The following NBEAL1 variants were observed in gnomAD, a reference collection of about 807,000 sequenced individuals.
NBEAL1 encodes neurobeachin like 1, also known as neurobeachin-like protein 1.
In NBEAL1, 273 loss-of-function variants were observed where a neutral mutation model predicts 351.3. The observed-to-expected ratio is 0.78, with a 90% CI of 0.70 to 0.86. NBEAL1 has a LOEUF of 0.86. Ranked by LOEUF, NBEAL1 falls within the 40% of genes least tolerant of loss-of-function variation. NBEAL1 has a pLI of 0.00. For missense variants in NBEAL1, 2,961 were observed against 3,201.3 expected (o/e 0.92, Z 1.81); for synonymous variants, 1,050 against 1,086.4 (o/e 0.97, Z 0.66).
intron 51 of NBEAL1, among the ~76,000 whole-genome samples, chr2:203,205,946 A>G (rs188969330): frequency 2.6e-5 from 4 of 152,364 alleles, no homozygotes; most frequent in Non-Finnish European, 4.4e-5. Flanking sequence ...GAACAGGTGG[A>G]AGGTGTGGGC....
In NBEAL1 at chr2:203,131,969, C is replaced by A; in HGVS notation, c.3565-4C>A. 6.6e-7 allele frequency: 1 copy of A among 1,522,814 alleles called. No homozygotes were observed. The highest frequency in any genetic ancestry group is 8.8e-7 in the Non-Finnish European group (1 of 1,134,188). 94.3% of individuals were successfully genotyped at this position (1,522,814 alleles called of 1,614,324 possible). A position where few individuals can be genotyped will look rare whatever the true frequency, so the allele number is the denominator to read the frequency against. ...ATTGAGAATATATTACTTGTCGTGA[C>A]CAGATTATGGAACAAATGTTGAAAT... is the stretch of plus-strand genomic sequence containing the variant. On this transcript the variant is annotated splice_region_variant and splice_polypyrimidine_tract_variant and intron_variant, in intron 25 of 55. Coordinates refer to ENST00000683969, the MANE Select transcript of NBEAL1 (RefSeq NM_001378026.1).
At chr2:203,165,153 G>A (rs1008833416) in intron 36 of NBEAL1, among the ~76,000 whole-genome samples, 2 of 152,028 alleles carry the variant, frequency 1.3e-5, no homozygotes, top group Non-Finnish European at 2.9e-5. Flanking sequence ...GAGCCACCGC[G>A]CCCACCCAGG....
At chr2:203,116,401 T>C (rs1014288847) in intron 18 of NBEAL1, among the ~76,000 whole-genome samples, 3 of 152,138 alleles carry the variant, frequency 2.0e-5, no homozygotes, top group Non-Finnish European at 4.4e-5. Flanking sequence ...GAAACAGAAT[T>C]GTTCTCAGTT....
At position 203,180,400 on chromosome 2, in the gene NBEAL1, A is replaced by G. The variant is rs756021714; in HGVS notation, c.6483A>G (p.Arg2161=). Residue 2161 remains arginine (R), a synonymous_variant, in exon 43 of 56, where the codon CGA becomes CGG. Coordinates refer to ENST00000683969, the MANE Select transcript of NBEAL1 (RefSeq NM_001378026.1). ...LQSGRFDCAD[R]QFHSIPATWQ... ...CATGCAGGTTTGACTGTGCAGATCG[A>G]CAGTTCCATTCTATTCCTGCTACCT... is the stretch of plus-strand genomic sequence containing the variant. 6.2e-7 allele frequency: 1 copy of G among 1,610,878 alleles called. No homozygotes were observed. The highest frequency in any genetic ancestry group is 8.5e-7 in the Non-Finnish European group (1 of 1,178,932).
Position 203,107,459 on chromosome 2 carries a change from G to T in NBEAL1, c.1309G>T (p.Glu437Ter). The T allele has an allele frequency of 1.3e-6, 2 of 1,551,056 alleles. No homozygotes were observed. The highest frequency in any genetic ancestry group is 1.7e-6 in the Non-Finnish European group (2 of 1,146,062). ...KERIGYTHMLEVLKSLGQPPL... is the reference protein window; with the variant it reads ...KERIGYTHML ...AAGAATTGGTTATACACATATGCTT[G>T]AAGTATTAAAATCCCTGGGTCAGCC... Residue 437 changes from glutamate to a stop codon, truncating the protein, a stop_gained, in exon 13 of 56, where the codon GAA becomes TAA. Coordinates refer to ENST00000683969, the MANE Select transcript of NBEAL1 (RefSeq NM_001378026.1). LOFTEE classifies it high-confidence loss of function.
chr2:203,128,357 C>A (rs1194101666), intron 24 of NBEAL1, among the ~76,000 whole-genome samples: 1 of 149,682 alleles, frequency 6.7e-6, no homozygotes, highest in Non-Finnish European at 1.5e-5. Context: ...GTCTACCCGC[C>A]TAGGGCTCCC....
At chr2:203,213,872 C>A in intron 55 of NBEAL1, 2 of 724,680 alleles carry the variant, frequency 2.8e-6, no homozygotes, top group Non-Finnish European at 1.7e-6. Context: ...CTATCTACCA[C>A]TCTATAGGAA....
At chr2:203,193,946 T>C (rs767886433) in intron 47 of NBEAL1, 35 bp downstream of exon 47, 4 of 1,184,488 alleles carry the variant, frequency 3.4e-6, no homozygotes, top group South Asian at 2.7e-5. Context: ...AAAAGAGTTT[T>C]CTCTAAATTC....
At chr2:203,206,738 T>C (rs2065584462) in intron 51 of NBEAL1, among the ~76,000 whole-genome samples, 1 of 151,980 alleles carries the variant, frequency 6.6e-6, no homozygotes, top group Non-Finnish European at 1.5e-5. Flanking sequence ...GTGCCCAGGC[T>C]GGAGTGCAGT....
chr2:203,162,392 T>C (rs754214760), intron 36 of NBEAL1, among the ~76,000 whole-genome samples: 3 of 152,100 alleles, frequency 2.0e-5, no homozygotes, highest in Non-Finnish European at 4.4e-5. Context: ...GTCCCAAATA[T>C]ATTATTTGTT....
intron 27 of NBEAL1, among the ~76,000 whole-genome samples, chr2:203,135,101 A>G (rs1253133305): frequency 6.6e-6 from 1 of 151,658 alleles, no homozygotes; most frequent in Non-Finnish European, 1.5e-5. Context: ...GCATGAACCT[A>G]GGAGCCGGAG....
chr2:203,113,419 G>T, intron 17 of NBEAL1, 101 bp downstream of exon 17: 7 of 646,404 alleles, frequency 1.1e-5, no homozygotes, highest in Non-Finnish European at 1.3e-5. Flanking sequence ...AATATATTCT[G>T]AAGAATATAT....
intron 44 of NBEAL1, among the ~76,000 whole-genome samples, chr2:203,186,648 A>T (rs1353904869): frequency 6.6e-6 from 1 of 151,952 alleles, no homozygotes; most frequent in African/African-American, 2.4e-5. Context: ...AAATAATAAA[A>T]CTTTGTTTAC....
At position 203,049,741 on chromosome 2, in the gene NBEAL1, A is replaced by G. The variant is rs1290713970; in HGVS notation, c.144-73A>G. ...TCTTTAGGATTTGGGCTGAAAATGA[A>G]GTTCATTTAAATGCCAGAGATTTTC... is the stretch of plus-strand genomic sequence containing the variant. On this transcript the variant is annotated intron_variant, in intron 3 of 55. Coordinates refer to ENST00000683969, the MANE Select transcript of NBEAL1 (RefSeq NM_001378026.1). 9.1e-5 allele frequency: 120 copies of G among 1,314,458 alleles called. 1 individual carries two copies. The East Asian group carries it at 2.9e-3, about 32-fold the overall frequency. The allele number at this position is 1,314,458 out of a possible 1,614,324, so 81.4% of individuals were successfully genotyped here.
intron 33 of NBEAL1, among the ~76,000 whole-genome samples, chr2:203,146,013 G>C (rs2063503887): frequency 6.7e-6 from 1 of 149,762 alleles, no homozygotes; most frequent in African/African-American, 2.4e-5. Flanking sequence ...AAAAAGGAGA[G>C]AGAGAATGAT....
intron 29 of NBEAL1, among the ~76,000 whole-genome samples, chr2:203,137,708 G>T (rs1027614152): frequency 1.3e-5 from 2 of 152,222 alleles, no homozygotes; most frequent in East Asian, 1.9e-4. Flanking sequence ...TATAGGCCTG[G>T]CATGGTGGCT....
chr2:203,128,374 C>T (rs1208296694), intron 24 of NBEAL1, among the ~76,000 whole-genome samples: 2 of 148,468 alleles, frequency 1.3e-5, no homozygotes, highest in East Asian at 4.0e-4. Context: ...TCCCAAAGTG[C>T]TAGGATTACA....
chr2:203,138,746 C>T lies in NBEAL1; in HGVS notation c.4846C>T (p.Gln1616Ter). Reference sequence around the variant, plus strand: ...AGGATTCATTGGAAGGGGTAATTTGCAGGTTTGTCCATTCTTTTATATTAT... The same window carrying T: ...AGGATTCATTGGAAGGGGTAATTTGTAGGTTTGTCCATTCTTTTATATTAT... ...LLGFIGRGNLQVCAMASAKLN... is the reference protein window; with the variant it reads ...LLGFIGRGNL Residue 1616 changes from glutamine to a stop codon, truncating the protein, a stop_gained and splice_region_variant, in exon 31 of 56, where the codon CAG becomes TAG. Transcript: ENST00000683969. LOFTEE classifies it high-confidence loss of function. 1 of 1,607,964 alleles carries T rather than the reference C, an allele frequency of 6.2e-7. No homozygotes were observed. The highest frequency in any genetic ancestry group is 8.5e-7 in the Non-Finnish European group (1 of 1,178,332).
At chr2:203,181,665 C>A (rs967884256) in intron 43 of NBEAL1, 13 of 152,142 alleles carry the variant, frequency 8.5e-5, no homozygotes, top group Admixed American at 5.2e-4. Context: ...TTTGACCCTT[C>A]ATTTATTCAG....
Sources: allele counts gnomAD v4.1 joint callset (sites outside exome capture counted in the v4.1 genomes callset), GRCh38; gene constraint gnomAD v4.1.1; transcripts MANE v1.5; gene names NCBI Gene and HGNC (gene_info 2026-07-23, HGNC 2026-07-21).